Variants in FSBP observed in about 807,000 individuals in gnomAD.
FSBP encodes the protein fibrinogen silencer-binding protein.
Under a neutral mutation model 24.6 loss-of-function variants are expected in FSBP, and 18 were observed. That is an observed-to-expected ratio of 0.73 (90% CI 0.51 to 1.08). The LOEUF (loss-of-function observed/expected upper bound fraction) is 1.08. Among genes scored for constraint, FSBP ranks in the 50% least tolerant of loss-of-function variants. FSBP has a pLI of 0.00. For synonymous variants in FSBP, 110 were observed against 125.8 expected (o/e 0.87, Z 0.84); for missense variants, 305 against 347.6 (o/e 0.88, Z 0.98).
At position 94,428,731 on chromosome 8, in the gene FSBP, T is replaced by G; in HGVS notation, c.*3400A>C. ...TGAAACCTGCAGATAGAAAGCCAAG[T>G]GTACATTCCATTGTACTAGCAAACT... On this transcript the variant is annotated 3_prime_UTR_variant, in exon 2 of 2. Transcript: ENST00000481490. The G allele has an allele frequency of 1.0e-6, 1 of 980,990 alleles. No homozygotes were observed. Among genetic ancestry groups the G allele is most frequent in the Non-Finnish European group, 1.2e-6 (1 of 825,898 alleles). The allele number at this position is 980,990 out of a possible 1,614,324, so 60.8% of individuals were successfully genotyped here.
chr8:94,432,429 A>C lies in FSBP; in HGVS notation c.602T>G (p.Met201Arg), dbSNP rs763435333. 3 of 1,550,472 alleles carry C rather than the reference A, an allele frequency of 1.9e-6. No individual in the cohort carries two copies. In the South Asian group the frequency reaches 3.6e-5, roughly 18 times the overall value. ...AGAAGATGGAGACGATGTCATTCTC[A>C]TATCAACAGAGGAAAGTGAAGGCGA... ...SLSPSLSSVD[M>R]RMTSSPSSIP... is the part of the protein sequence containing the mutation. The change falls in exon 2 of 2, where the codon ATG (methionine) becomes AGG (arginine). Residue 201 changes from methionine (M) to arginine (R), a missense_variant. Physicochemically the swap from Met to Arg is moderately conservative, Grantham distance 91 (BLOSUM62 -1). Coordinates refer to ENST00000481490, the MANE Select transcript of FSBP (RefSeq NM_001256141.2).
At position 94,428,618 on chromosome 8, in the gene FSBP, T is replaced by C. The variant is rs1812003036; in HGVS notation, c.*3513A>G. 2 of 633,892 alleles carry C rather than the reference T, an allele frequency of 3.2e-6. No individual in the cohort carries two copies. The highest frequency in any genetic ancestry group is 3.9e-6 in the Non-Finnish European group (2 of 509,174). The allele number at this position is 633,892 out of a possible 1,614,324, so 39.3% of individuals were successfully genotyped here. A position where few individuals can be genotyped will look rare whatever the true frequency, so the allele number is the denominator to read the frequency against. Reference sequence around the variant, plus strand: ...CTCCTACCTCAGTTATACCGTCTTTTTAAATTTCGTATTACTTTTTATTGT... The same window carrying C: ...CTCCTACCTCAGTTATACCGTCTTTCTAAATTTCGTATTACTTTTTATTGT... On this transcript the variant is annotated 3_prime_UTR_variant, in exon 2 of 2. Coordinates refer to ENST00000481490, the MANE Select transcript of FSBP (RefSeq NM_001256141.2).
In FSBP at chr8:94,431,358, T is replaced by C. The variant is rs941521365; in HGVS notation, c.*773A>G. The C allele has an allele frequency of 5.1e-6, 5 of 984,578 alleles. No individual in the cohort carries two copies. The highest frequency in any genetic ancestry group is 3.5e-5 in the African/African-American group (2 of 57,190). 61.0% of individuals were successfully genotyped at this position (984,578 alleles called of 1,614,324 possible). A position where few individuals can be genotyped will look rare whatever the true frequency, so the allele number is the denominator to read the frequency against. On this transcript the variant is annotated 3_prime_UTR_variant, in exon 2 of 2. Coordinates refer to ENST00000481490, the MANE Select transcript of FSBP (RefSeq NM_001256141.2). Reference sequence around the variant, plus strand: ...CTTATCTATTTTGCTGGAACAAAAATAGAGAGAGAATGGGGGTAATTGATG... The same window carrying C: ...CTTATCTATTTTGCTGGAACAAAAACAGAGAGAGAATGGGGGTAATTGATG...
rs1812088949 is a variant in FSBP, at chr8:94,431,371, G to A, written c.*760C>T. On this transcript the variant is annotated 3_prime_UTR_variant, in exon 2 of 2. Transcript: ENST00000481490. Reference sequence around the variant, plus strand: ...CTGGAACAAAAATAGAGAGAGAATGGGGGTAATTGATGTAATTATCCTGAT... The same window carrying A: ...CTGGAACAAAAATAGAGAGAGAATGAGGGTAATTGATGTAATTATCCTGAT... 1.0e-6 allele frequency: 1 copy of A among 984,430 alleles called. No homozygotes were observed. Among genetic ancestry groups the A allele is most frequent in the Non-Finnish European group, 1.2e-6 (1 of 829,154 alleles). The allele number at this position is 984,430 out of a possible 1,614,324, so 61.0% of individuals were successfully genotyped here.
At position 94,431,618 on chromosome 8, in the gene FSBP, A is replaced by C. The variant is rs1812097200; in HGVS notation, c.*513T>G. ...ACCTGTTTCATTACCCCTAAACTGC[A>C]GAGATGGAAAAAAAGTGTTCTCCAA... On this transcript the variant is annotated 3_prime_UTR_variant, in exon 2 of 2. Coordinates refer to ENST00000481490, the MANE Select transcript of FSBP (RefSeq NM_001256141.2). 4.3e-6 allele frequency: 4 copies of C among 931,970 alleles called. No individual in the cohort carries two copies. The highest frequency in any genetic ancestry group is 5.1e-6 in the Non-Finnish European group (4 of 781,354). The allele number at this position is 931,970 out of a possible 1,614,324, so 57.7% of individuals were successfully genotyped here.
Position 94,428,794 on chromosome 8 carries a change from A to T in FSBP, c.*3337T>A, listed in dbSNP as rs1478203824. The T allele has an allele frequency of 1.0e-6, 1 of 985,206 alleles. No individual in the cohort carries two copies. Among genetic ancestry groups the T allele is most frequent in the Non-Finnish European group, 1.2e-6 (1 of 829,884 alleles). 61.0% of individuals were successfully genotyped at this position (985,206 alleles called of 1,614,324 possible). ...TTCCCCTTAATGAAACTTGTCCTCA[A>T]CAAAAACTGCTAATGTTAGTTGGTA... On this transcript the variant is annotated 3_prime_UTR_variant, in exon 2 of 2. Transcript: ENST00000481490.
At position 94,429,227 on chromosome 8, in the gene FSBP, A is replaced by G; in HGVS notation, c.*2904T>C. The G allele has an allele frequency of 1.7e-6, 1 of 601,096 alleles. No individual in the cohort carries two copies. Among genetic ancestry groups the G allele is most frequent in the Non-Finnish European group, 2.1e-6 (1 of 479,228 alleles). 37.2% of individuals were successfully genotyped at this position (601,096 alleles called of 1,614,324 possible). ...TCACCTAACACACTAAAGAAAAAGC[A>G]ATCTTAAACAATGCTGCAGAAAAAT... On this transcript the variant is annotated 3_prime_UTR_variant, in exon 2 of 2. Coordinates refer to ENST00000481490, the MANE Select transcript of FSBP (RefSeq NM_001256141.2).
In FSBP at chr8:94,430,713, A is replaced by C; in HGVS notation, c.*1418T>G. On this transcript the variant is annotated 3_prime_UTR_variant, in exon 2 of 2. Transcript: ENST00000481490. ...CATGTTGTCTGTATAATGTTTTAAA[A>C]GCATTTTGTGTTATTTGCAAACATT... 1 of 936,858 alleles carries C rather than the reference A, an allele frequency of 1.1e-6. No individual in the cohort carries two copies. Among genetic ancestry groups the C allele is most frequent in the Non-Finnish European group, 1.3e-6 (1 of 785,868 alleles). The allele number at this position is 936,858 out of a possible 1,614,324, so 58.0% of individuals were successfully genotyped here.
In FSBP at chr8:94,430,336, T is replaced by C. The variant is rs1235212344; in HGVS notation, c.*1795A>G. ...AAAAAAAAAAAAAAAAAGTATTTAATGTAATTCATAATCTGGTATCAACCA... is the reference window on the plus strand; with the variant it reads ...AAAAAAAAAAAAAAAAAGTATTTAACGTAATTCATAATCTGGTATCAACCA... On this transcript the variant is annotated 3_prime_UTR_variant, in exon 2 of 2. Coordinates refer to ENST00000481490, the MANE Select transcript of FSBP (RefSeq NM_001256141.2). 4.1e-6 allele frequency: 4 copies of C among 977,734 alleles called. No homozygotes were observed. The highest frequency in any genetic ancestry group is 4.9e-6 in the Non-Finnish European group (4 of 823,646). The allele number at this position is 977,734 out of a possible 1,614,324, so 60.6% of individuals were successfully genotyped here.
intron 1 of FSBP, 107 bp from the exon 2 acceptor site, chr8:94,432,763 C>A: frequency 7.7e-7 from 1 of 1,296,500 alleles, no homozygotes; most frequent in Non-Finnish European, 9.9e-7. Context: ...AGCTTTAAAA[C>A]TATAAAGTTA....
rs187986458 is a variant in FSBP at position 94,431,993 on chromosome 8, A to C, written c.*138T>G. 6,473 of 1,308,540 alleles carry C rather than the reference A, an allele frequency of 4.9e-3. 32 individuals are homozygous for C. The highest frequency in any genetic ancestry group is 5.0e-3 in the Non-Finnish European group (5,178 of 1,025,992). 81.1% of individuals were successfully genotyped at this position (1,308,540 alleles called of 1,614,324 possible). The stretch of plus-strand genomic sequence containing the variant: ...AATATCTCAAAAGAAAATAATTAGA[A>C]AATTATATCTAAAAAGTTTTTCCAT... On this transcript the variant is annotated 3_prime_UTR_variant, in exon 2 of 2. Transcript: ENST00000481490.
chr8:94,432,212 C>G lies in FSBP; in HGVS notation c.819G>C (p.Glu273Asp). ...GLKRRQQLEE[E>D]LLRAKIEVEK... ...CCACTTCAATTTTTGCTCTTAGTAG[C>G]TCTTCCTCTAGCTGCTGCCTTCTTT... is the stretch of plus-strand genomic sequence containing the variant. The change falls in exon 2 of 2, where the codon GAG (glutamate) becomes GAC (aspartate). Residue 273 changes from glutamate (E) to aspartate (D), a missense_variant. Transcript: ENST00000481490. 6.5e-7 allele frequency: 1 copy of G among 1,550,304 alleles called. No individual in the cohort carries two copies. Among genetic ancestry groups the G allele is most frequent in the Non-Finnish European group, 8.7e-7 (1 of 1,146,876 alleles).
Position 94,428,741 on chromosome 8 carries a change from A to T in FSBP, c.*3390T>A. 1 of 984,154 alleles carries T rather than the reference A, an allele frequency of 1.0e-6. No individual in the cohort carries two copies. Among genetic ancestry groups the T allele is most frequent in the Non-Finnish European group, 1.2e-6 (1 of 828,778 alleles). 61.0% of individuals were successfully genotyped at this position (984,154 alleles called of 1,614,324 possible). A position where few individuals can be genotyped will look rare whatever the true frequency, so the allele number is the denominator to read the frequency against. ...AGATAGAAAGCCAAGTGTACATTCCATTGTACTAGCAAACTTTCCCCTATA... is the reference window on the plus strand; with the variant it reads ...AGATAGAAAGCCAAGTGTACATTCCTTTGTACTAGCAAACTTTCCCCTATA... On this transcript the variant is annotated 3_prime_UTR_variant, in exon 2 of 2. Transcript: ENST00000481490.
Position 94,427,750 on chromosome 8 carries a change from G to A in FSBP, c.*4381C>T, listed in dbSNP as rs2056457316. ...GTATCTTGTATTTAAAAGAACATGT[G>A]TTAACAAAGCATTTAACCATCATTA... is the stretch of plus-strand genomic sequence containing the variant. On this transcript the variant is annotated 3_prime_UTR_variant, in exon 2 of 2. Transcript: ENST00000481490. 1 of 975,978 alleles carries A rather than the reference G, an allele frequency of 1.0e-6. No homozygotes were observed. Among genetic ancestry groups the A allele is most frequent in the South Asian group, 4.8e-5 (1 of 21,052 alleles). The allele number at this position is 975,978 out of a possible 1,614,324, so 60.5% of individuals were successfully genotyped here. A position where few individuals can be genotyped will look rare whatever the true frequency, so the allele number is the denominator to read the frequency against.
chr8:94,428,864 A>G lies in FSBP; in HGVS notation c.*3267T>C. 1.0e-5 allele frequency: 10 copies of G among 985,326 alleles called. No individual in the cohort carries two copies. The South Asian group carries it at 3.3e-4, about 32-fold the overall frequency. The allele number at this position is 985,326 out of a possible 1,614,324, so 61.0% of individuals were successfully genotyped here. On this transcript the variant is annotated 3_prime_UTR_variant, in exon 2 of 2. Coordinates refer to ENST00000481490, the MANE Select transcript of FSBP (RefSeq NM_001256141.2). ...AAAGTCTCAATACAAAAAAGAAGAAAAAAAAAGGTTTGGTTCCAAATTACC... is the reference window on the plus strand; with the variant it reads ...AAAGTCTCAATACAAAAAAGAAGAAGAAAAAAGGTTTGGTTCCAAATTACC...
rs1403526213 is a variant in FSBP, at chr8:94,436,893, G to A, written c.-25C>T. 3 of 1,489,990 alleles carry A rather than the reference G, an allele frequency of 2.0e-6. No individual in the cohort carries two copies. In the East Asian group the frequency reaches 7.4e-5, roughly 37 times the overall value. 92.3% of individuals were successfully genotyped at this position (1,489,990 alleles called of 1,614,324 possible). On this transcript the variant is annotated 5_prime_UTR_variant, in exon 1 of 2. Coordinates refer to ENST00000481490, the MANE Select transcript of FSBP (RefSeq NM_001256141.2). ...TTGTTCTTTTCAAATTAAGTAGGCAGTTTCTGAAACCACCATGCAGCCTTC... is the reference window on the plus strand; with the variant it reads ...TTGTTCTTTTCAAATTAAGTAGGCAATTTCTGAAACCACCATGCAGCCTTC...
At position 94,429,671 on chromosome 8, in the gene FSBP, CAAAGA is replaced by C; in HGVS notation, c.*2455_*2459del. ...TAAGAATTACAAGATTCATTAGACT[CAAAGA>C]AAAGTCATAGCACAGATTAAAGAGA... is the stretch of plus-strand genomic sequence containing the variant. On this transcript the variant is annotated 3_prime_UTR_variant, in exon 2 of 2. Coordinates refer to ENST00000481490, the MANE Select transcript of FSBP (RefSeq NM_001256141.2). 1 of 983,532 alleles carries C rather than the reference CAAAGA, an allele frequency of 1.0e-6. No homozygotes were observed. Among genetic ancestry groups the C allele is most frequent in the Non-Finnish European group, 1.2e-6 (1 of 828,330 alleles). 60.9% of individuals were successfully genotyped at this position (983,532 alleles called of 1,614,324 possible).
At position 94,429,578 on chromosome 8, in the gene FSBP, C is replaced by CA. The variant is rs1340596919; in HGVS notation, c.*2552dup. The CA allele has an allele frequency of 2.0e-6, 2 of 982,832 alleles. No homozygotes were observed. Among genetic ancestry groups the CA allele is most frequent in the African/African-American group, 3.5e-5 (2 of 57,096 alleles). The allele number at this position is 982,832 out of a possible 1,614,324, so 60.9% of individuals were successfully genotyped here. On this transcript the variant is annotated 3_prime_UTR_variant, in exon 2 of 2. Transcript: ENST00000481490. The stretch of plus-strand genomic sequence containing the variant: ...CTCATATATGTGCTTTCAATAATTT[C>CA]AAAAAATAAAGCTTACTACTGCCAA...
rs1042467273 is a variant in FSBP, at chr8:94,432,333, G to A, written c.698C>T (p.Pro233Leu). Residue 233 changes from proline (P) to leucine (L), a missense_variant, in exon 2 of 2, where the codon CCT (proline) becomes CTT (leucine). By Grantham distance (98) the Pro-to-Leu change is moderately conservative (BLOSUM62 -3). Transcript: ENST00000481490. Reference protein sequence around the residue: ...EHFRSLLGYDPQILQMLKEEH... With the variant: ...EHFRSLLGYDLQILQMLKEEH... ...CTCTTTCAACATTTGCAGGATCTGA[G>A]GATCATACCCTAATAGTGACCTAAA... is the stretch of plus-strand genomic sequence containing the variant. The A allele has an allele frequency of 1.3e-6, 2 of 1,550,090 alleles. No homozygotes were observed. Among genetic ancestry groups the A allele is most frequent in the African/African-American group, 2.7e-5 (2 of 72,958 alleles).
Sources: allele counts gnomAD v4.1 joint callset, GRCh38; gene constraint gnomAD v4.1.1; transcripts MANE v1.5; gene names NCBI Gene and HGNC (gene_info 2026-07-23, HGNC 2026-07-21).